Variants in SGCD observed in about 807,000 individuals in gnomAD.
The protein encoded by SGCD is delta-sarcoglycan.
Under a neutral mutation model 36.6 loss-of-function variants are expected in SGCD, and 18 were observed. The ratio of observed to expected loss-of-function variants is 0.49; its 90% CI spans 0.34 to 0.73. The LOEUF is 0.73. Ranked by LOEUF, SGCD falls within the 30% of genes least tolerant of loss-of-function variation. SGCD has a pLI of 0.01. For missense variants in SGCD, 387 were observed against 346.7 expected (o/e 1.12, Z -0.92); for synonymous variants, 133 against 130.6 (o/e 1.02, Z -0.12).
At chr5:156,728,304 C>T (rs1246313859) in intron 7 of SGCD, among the ~76,000 whole-genome samples, 1 of 151,882 alleles carries the variant, frequency 6.6e-6, no homozygotes, top group South Asian at 2.1e-4. Context: ...AAAGTTACTG[C>T]ATGAGGTAGA....
At chr5:156,375,446 G>A (rs1436485896) in intron 3 of SGCD, among the ~76,000 whole-genome samples, 1 of 139,432 alleles carries the variant, frequency 7.2e-6, no homozygotes. Context: ...CATTAATGGT[G>A]CTACCTATGG....
At chr5:156,194,748 G>A (rs2127634157) in intron 3 of SGCD, among the ~76,000 whole-genome samples, 1 of 152,174 alleles carries the variant, frequency 6.6e-6, no homozygotes, top group Non-Finnish European at 1.5e-5. Context: ...CTGAAGAATT[G>A]AAGTTCCTGT....
chr5:156,307,513 T>C (rs1464129834), intron 3 of SGCD, among the ~76,000 whole-genome samples: 1 of 151,616 alleles, frequency 6.6e-6, no homozygotes, highest in Non-Finnish European at 1.5e-5. Context: ...GCAGATACTT[T>C]GGTCATTTTG....
the SGCD span, among the ~76,000 whole-genome samples, chr5:155,736,192 G>A: frequency 1.4e-4 from 21 of 152,200 alleles, no homozygotes; most frequent in Admixed American, 2.6e-4. Context: ...ACAGATCATC[G>A]GTGTAATATA....
At chr5:156,411,967 C>T (rs1019128708) in intron 3 of SGCD, among the ~76,000 whole-genome samples, 1 of 152,102 alleles carries the variant, frequency 6.6e-6, no homozygotes, top group Non-Finnish European at 1.5e-5. Flanking sequence ...ACTTTTTTCT[C>T]TTTACTTTGA....
At chr5:155,818,069 G>A in the SGCD span, among the ~76,000 whole-genome samples, 2,579 of 152,192 alleles carry the variant, frequency 0.017, 80 homozygotes, top group African/African-American at 0.059. Context: ...ATTGATTGCC[G>A]AGAAGAATAC....
intron 1 of SGCD, among the ~76,000 whole-genome samples, chr5:156,021,705 G>A (rs1055303652): frequency 1.3e-5 from 2 of 152,060 alleles, no homozygotes; most frequent in African/African-American, 4.8e-5. Flanking sequence ...GAAACGGTGG[G>A]AGGGTGTACA....
chr5:156,071,133 A>C (rs897543455), intron 1 of SGCD, among the ~76,000 whole-genome samples: 2 of 152,134 alleles, frequency 1.3e-5, no homozygotes, highest in Non-Finnish European at 2.9e-5. Context: ...TATTTCCTTC[A>C]GTTCTGCTCT....
chr5:155,734,865 A>G, the SGCD span, among the ~76,000 whole-genome samples: 1 of 152,108 alleles, frequency 6.6e-6, no homozygotes, highest in Non-Finnish European at 1.5e-5. Flanking sequence ...TTTGGGAAAA[A>G]TCTCCCTTGA....
intron 3 of SGCD, among the ~76,000 whole-genome samples, chr5:156,266,261 T>TA (rs1032633404): frequency 2.0e-5 from 3 of 152,192 alleles, no homozygotes; most frequent in African/African-American, 7.2e-5. Flanking sequence ...ATGTTTTTCT[T>TA]AAAAAAATCA....
chr5:156,163,649 C>G (rs1224645604), intron 3 of SGCD, among the ~76,000 whole-genome samples: 1 of 151,520 alleles, frequency 6.6e-6, no homozygotes, highest in African/African-American at 2.4e-5. Context: ...AAGCTATGAC[C>G]AGGCATCACT....
At chr5:156,356,821 T>A (rs1399924463) in intron 3 of SGCD, among the ~76,000 whole-genome samples, 1 of 152,134 alleles carries the variant, frequency 6.6e-6, no homozygotes, top group Non-Finnish European at 1.5e-5. Flanking sequence ...AGTGTCCTCA[T>A]AACGATGAGG....
chr5:155,947,622 C>G (rs1757465772), intron 1 of SGCD, among the ~76,000 whole-genome samples: 1 of 151,986 alleles, frequency 6.6e-6, no homozygotes, highest in African/African-American at 2.4e-5. Context: ...ATTAGAGTAT[C>G]CATCTGCCAG....
intron 1 of SGCD, among the ~76,000 whole-genome samples, 190 bp from the exon 2 acceptor site, chr5:156,329,344 T>C (rs1767960792): frequency 6.6e-6 from 1 of 152,140 alleles, no homozygotes; most frequent in African/African-American, 2.4e-5. Flanking sequence ...AGATACTCAG[T>C]GGCCTTGGTG....
At chr5:155,781,620 C>G in the SGCD span, among the ~76,000 whole-genome samples, 1 of 151,940 alleles carries the variant, frequency 6.6e-6, no homozygotes, top group Non-Finnish European at 1.5e-5. Context: ...CACTACTATG[C>G]CTGGCTAATT....
chr5:156,045,503 G>A (rs564745923), intron 1 of SGCD, among the ~76,000 whole-genome samples: 1 of 152,204 alleles, frequency 6.6e-6, no homozygotes, highest in South Asian at 2.1e-4. Context: ...GACCACACAG[G>A]CATCTGATTG....
chr5:156,411,768 T>C (rs1397324582), intron 3 of SGCD, among the ~76,000 whole-genome samples: 1 of 152,208 alleles, frequency 6.6e-6, no homozygotes, highest in Non-Finnish European at 1.5e-5. Context: ...CTGCAGAAAT[T>C]ATTGACACAT....
At chr5:156,330,592 C>A (rs1768023016) in intron 2 of SGCD, among the ~76,000 whole-genome samples, 1 of 152,174 alleles carries the variant, frequency 6.6e-6, no homozygotes, top group Non-Finnish European at 1.5e-5. Context: ...TCTTTTCCTG[C>A]ACTCTTTCTT....
At chr5:155,791,968 GAAT>G in the SGCD span, among the ~76,000 whole-genome samples, 1 of 151,982 alleles carries the variant, frequency 6.6e-6, no homozygotes, top group African/African-American at 2.4e-5. Flanking sequence ...TCAGCAATAA[GAAT>G]AAGGTCAGAA....
Sources: gnomAD v4.1 joint callset for allele counts (sites outside exome capture counted in the v4.1 genomes callset) on GRCh38, gnomAD v4.1.1 for gene constraint, MANE v1.5 for transcripts, NCBI Gene and HGNC (gene_info 2026-07-23, HGNC 2026-07-21) for gene names.